LHX2: variants seen among roughly 807,000 people sequenced by gnomAD.
LHX2 encodes LIM/homeobox protein Lhx2.
LHX2 carries 6 observed loss-of-function variants against 33.0 expected under a neutral mutation model. The ratio of observed to expected loss-of-function variants is 0.18; its 90% CI spans 0.10 to 0.36. The LOEUF is 0.36. LHX2 is among the 10% of genes least tolerant of loss of function. The pLI is 1.00. For missense variants in LHX2, 442 were observed against 586.2 expected (o/e 0.75, Z 2.54); for synonymous variants, 292 against 253.1 (o/e 1.15, Z -1.46).
In LHX2 at chr9:124,018,022, C is replaced by G. The variant is rs541779412; in HGVS notation, c.727+2497C>G. Among the ~76,000 whole-genome samples, 43 of 151,972 alleles carry G rather than the reference C, an allele frequency of 2.8e-4. No individual in the cohort carries two copies. The South Asian group carries it at 7.5e-3, about 26-fold the overall frequency. ...GTCCCGCGCGGACCGGCCGGACGCC[C>G]GGCCTCCCCCAGCCCCAGCTTTTTG... On this transcript the variant is annotated intron_variant, in intron 3 of 4. Coordinates refer to ENST00000373615, the MANE Select transcript of LHX2 (RefSeq NM_004789.4).
At chr9:124,023,305 G>A (rs1252309705) in intron 4 of LHX2, among the ~76,000 whole-genome samples, 1 of 152,106 alleles carries the variant, frequency 6.6e-6, no homozygotes, top group Non-Finnish European at 1.5e-5. Context: ...AACGATAGTT[G>A]TTGAGCTAAA....
At chr9:124,018,078 T>C (rs1390070584) in intron 3 of LHX2, among the ~76,000 whole-genome samples, 2 of 151,934 alleles carry the variant, frequency 1.3e-5, no homozygotes, top group African/African-American at 4.8e-5. Context: ...TAATTACTGA[T>C]TTGATTCCAA....
In LHX2 at chr9:124,015,089, T is replaced by C. The variant is rs780654235; in HGVS notation, c.324-33T>C. 1.9e-6 allele frequency: 3 copies of C among 1,604,112 alleles called. No homozygotes were observed. Among genetic ancestry groups the C allele is most frequent in the East Asian group, 4.5e-5 (2 of 44,842 alleles). ...GAAAAGGGGGGTACCCAACCGTGTG[T>C]TCCCACAGCCCCTCCCTCCATGGTC... On this transcript the variant is annotated intron_variant, in intron 2 of 4. Coordinates refer to ENST00000373615, the MANE Select transcript of LHX2 (RefSeq NM_004789.4). The surrounding 1 kb of genome is among the most constrained non-coding windows in gnomAD (Gnocchi z 7.9).
At position 124,014,852 on chromosome 9, in the gene LHX2, C is replaced by T. The variant is rs534195136; in HGVS notation, c.324-270C>T. Among the ~76,000 whole-genome samples, 59 of 152,216 alleles carry T rather than the reference C, an allele frequency of 3.9e-4. No individual in the cohort carries two copies. Among genetic ancestry groups the T allele is most frequent in the Non-Finnish European group, 7.8e-4 (53 of 68,036 alleles). ...GGTAAGTGGTAAGTGTCTCCCTCCA[C>T]TCCCAGGTAAAGGCTTTCCTAGGGC... On this transcript the variant is annotated intron_variant, in intron 2 of 4. Coordinates refer to ENST00000373615, the MANE Select transcript of LHX2 (RefSeq NM_004789.4). The surrounding 1 kb of genome is among the most constrained non-coding windows in gnomAD (Gnocchi z 4.8).
chr9:124,019,162 C>T (rs551091978), intron 3 of LHX2, among the ~76,000 whole-genome samples: 2 of 152,348 alleles, frequency 1.3e-5, no homozygotes, highest in Non-Finnish European at 2.9e-5. Context: ...GCTCTTCACT[C>T]TGGGCGTGCT....
rs1166723640 is a variant in LHX2 at position 124,016,587 on chromosome 9, A to G, written c.727+1062A>G. ...AACCCAAGACTGTGCAGAGGGTGCT[A>G]CGGCGGGAAGAAGTCAGTTATTTTC... is the stretch of plus-strand genomic sequence containing the variant. On this transcript the variant is annotated intron_variant, in intron 3 of 4. Transcript: ENST00000373615. The surrounding 1 kb of genome is among the most constrained non-coding windows in gnomAD (Gnocchi z 4.4). Among the ~76,000 whole-genome samples the G allele has an allele frequency of 6.6e-6, 1 of 152,186 alleles. No individual in the cohort carries two copies. The highest frequency in any genetic ancestry group is 1.5e-5 in the Non-Finnish European group (1 of 68,030).
chr9:124,025,137 CCTTTAAGA>C (rs1828591080), intron 4 of LHX2, among the ~76,000 whole-genome samples: 1 of 152,138 alleles, frequency 6.6e-6, no homozygotes, highest in East Asian at 1.9e-4. Flanking sequence ...AGACGGAGGT[CCTTTAAGA>C]CTTTAAGCCT....
In LHX2 at chr9:124,017,837, T is replaced by C. The variant is rs1011110124; in HGVS notation, c.727+2312T>C. Reference sequence around the variant, plus strand: ...TCCGGGGCGGGGCCGCAGCGGCCTCTTCCCGCAGCCCCTCGGGCCCGGGCC... The same window carrying C: ...TCCGGGGCGGGGCCGCAGCGGCCTCCTCCCGCAGCCCCTCGGGCCCGGGCC... On this transcript the variant is annotated intron_variant, in intron 3 of 4. Transcript: ENST00000373615. Among the ~76,000 whole-genome samples, 10 of 151,972 alleles carry C rather than the reference T, an allele frequency of 6.6e-5. No individual in the cohort carries two copies. In the South Asian group the frequency reaches 1.9e-3, roughly 28 times the overall value.
chr9:124,028,884 G>A lies in LHX2; in HGVS notation c.934-3536G>A, dbSNP rs537009093. 4.6e-5 allele frequency among the ~76,000 whole-genome samples: 7 copies of A among 152,288 alleles called. No individual in the cohort carries two copies. In the East Asian group the frequency reaches 1.4e-3, roughly 29 times the overall value. On this transcript the variant is annotated intron_variant, in intron 4 of 4. Coordinates refer to ENST00000373615, the MANE Select transcript of LHX2 (RefSeq NM_004789.4). ...GAACTTTGGGAGGCCAAGGTGGGCG[G>A]ATCACCTGAGGTCAGGAGTTCAAGA...
In LHX2 at chr9:124,016,670, C is replaced by A. The variant is rs935292122; in HGVS notation, c.727+1145C>A. ...AATGAGGGGCGGGTGTTCGCTCCAA[C>A]GAAATCGCTTGGAGGATCATGGGGC... On this transcript the variant is annotated intron_variant, in intron 3 of 4. Coordinates refer to ENST00000373615, the MANE Select transcript of LHX2 (RefSeq NM_004789.4). The surrounding 1 kb of genome is among the most constrained non-coding windows in gnomAD (Gnocchi z 4.4). Among the ~76,000 whole-genome samples the A allele has an allele frequency of 5.3e-5, 8 of 152,146 alleles. No individual in the cohort carries two copies. Among genetic ancestry groups the A allele is most frequent in the Admixed American group, 3.3e-4 (5 of 15,280 alleles).
At position 124,032,339 on chromosome 9, in the gene LHX2, C is replaced by T. The variant is rs780998379; in HGVS notation, c.934-81C>T. ...AAACACAGATCAGCGTCCCCAGAGGCAGCAGAGCTCTGAGTGAAGCAGTCG... is the reference window on the plus strand; with the variant it reads ...AAACACAGATCAGCGTCCCCAGAGGTAGCAGAGCTCTGAGTGAAGCAGTCG... On this transcript the variant is annotated intron_variant, in intron 4 of 4. Coordinates refer to ENST00000373615, the MANE Select transcript of LHX2 (RefSeq NM_004789.4). The surrounding 1 kb of genome is among the most constrained non-coding windows in gnomAD (Gnocchi z 4.1). 6.1e-5 allele frequency: 88 copies of T among 1,433,284 alleles called. No homozygotes were observed. In the Middle Eastern group the frequency reaches 7.7e-4, roughly 13 times the overall value. The allele number at this position is 1,433,284 out of a possible 1,614,324, so 88.8% of individuals were successfully genotyped here.
chr9:124,023,012 G>T (rs10115669), intron 4 of LHX2, among the ~76,000 whole-genome samples: 75,312 of 151,682 alleles, frequency 0.5, 18,714 homozygotes, highest in Admixed American at 0.57. Context: ...GATGGAGAAC[G>T]TGACTACACT....
chr9:124,032,233 C>A lies in LHX2; in HGVS notation c.934-187C>A, dbSNP rs1588354106. The A allele has an allele frequency of 3.2e-6, 2 of 627,634 alleles. No homozygotes were observed. Among genetic ancestry groups the A allele is most frequent in the African/African-American group, 1.9e-5 (1 of 53,878 alleles). The allele number at this position is 627,634 out of a possible 1,614,324, so 38.9% of individuals were successfully genotyped here. A position where few individuals can be genotyped will look rare whatever the true frequency, so the allele number is the denominator to read the frequency against. On this transcript the variant is annotated intron_variant, in intron 4 of 4. Transcript: ENST00000373615. This position sits in a 1 kb window ranked among gnomAD's most constrained non-coding sequence, Gnocchi z 4.1. ...CTTCAGCCTGGGGGACCAAGCCAGA[C>A]CCTGTCTGCAAACAAAAACAAAAAC...
In LHX2 at chr9:124,015,651, G is replaced by A; in HGVS notation, c.727+126G>A. On this transcript the variant is annotated intron_variant, in intron 3 of 4. Transcript: ENST00000373615. The surrounding 1 kb of genome is among the most constrained non-coding windows in gnomAD (Gnocchi z 7.9). Reference sequence around the variant, plus strand: ...CGAGCCTTAAGCACCGGACGGCCTCGCAGAAGGGACATTAGCCCCCTGGGC... The same window carrying A: ...CGAGCCTTAAGCACCGGACGGCCTCACAGAAGGGACATTAGCCCCCTGGGC... The A allele has an allele frequency of 3.7e-6, 4 of 1,093,548 alleles. No homozygotes were observed. Among genetic ancestry groups the A allele is most frequent in the Non-Finnish European group, 5.0e-6 (4 of 795,976 alleles). The allele number at this position is 1,093,548 out of a possible 1,614,324, so 67.7% of individuals were successfully genotyped here. A position where few individuals can be genotyped will look rare whatever the true frequency, so the allele number is the denominator to read the frequency against.
At chr9:124,031,510 C>T (rs1588353838) in intron 4 of LHX2, 1 of 151,688 alleles carries the variant, frequency 6.6e-6, no homozygotes, top group African/African-American at 2.4e-5. Flanking sequence ...CAAGATTTGT[C>T]TGGTGTGTGT....
At chr9:124,027,934 C>T (rs1419184810) in intron 4 of LHX2, among the ~76,000 whole-genome samples, 1 of 152,136 alleles carries the variant, frequency 6.6e-6, no homozygotes, top group Non-Finnish European at 1.5e-5. Flanking sequence ...ACCTAACAGC[C>T]ATCACAAGAC....
rs1360783088 is a variant in LHX2 at position 124,016,946 on chromosome 9, C to A, written c.727+1421C>A. On this transcript the variant is annotated intron_variant, in intron 3 of 4. Coordinates refer to ENST00000373615, the MANE Select transcript of LHX2 (RefSeq NM_004789.4). This position sits in a 1 kb window ranked among gnomAD's most constrained non-coding sequence, Gnocchi z 4.4. ...TGGGTCAACTTCCACTCGGAAGCAC[C>A]TCGCGGGGCTCGGCTCCAGGGCACC... is the stretch of plus-strand genomic sequence containing the variant. Among the ~76,000 whole-genome samples the A allele has an allele frequency of 6.6e-6, 1 of 152,200 alleles. No individual in the cohort carries two copies. Among genetic ancestry groups the A allele is most frequent in the East Asian group, 1.9e-4 (1 of 5,196 alleles).
intron 1 of LHX2, 110 bp from the exon 2 acceptor site, chr9:124,013,851 G>C: frequency 1.0e-6 from 1 of 970,712 alleles, no homozygotes; most frequent in Non-Finnish European, 1.5e-6. Context: ...CCCCCTCCGC[G>C]TTCAGGGTAG....
intron 3 of LHX2, among the ~76,000 whole-genome samples, chr9:124,020,546 G>GT (rs1430250755): frequency 2.0e-5 from 3 of 152,064 alleles, no homozygotes; most frequent in Admixed American, 2.0e-4. Flanking sequence ...AGGGGGAGAC[G>GT]GCAGAAAGCA....
Sources: gnomAD v4.1 joint callset for allele counts (sites outside exome capture counted in the v4.1 genomes callset) on GRCh38, gnomAD v4.1.1 for gene constraint, Gnocchi (gnomAD v3.1) non-coding constraint, MANE v1.5 for transcripts, NCBI Gene and HGNC (gene_info 2026-07-23, HGNC 2026-07-21) for gene names.